OVOL2: variants seen among roughly 807,000 people sequenced by gnomAD.
OVOL2 encodes the protein transcription factor Ovo-like 2.
In OVOL2, 13 loss-of-function variants were observed where a neutral mutation model predicts 18.1. The observed-to-expected ratio is 0.72, with a 90% confidence interval of 0.47 to 1.14. OVOL2 has a LOEUF of 1.14. Among genes scored for constraint, OVOL2 ranks in the 50% most tolerant of loss-of-function variants. The probability of loss-of-function intolerance (pLI) is 0.00; values close to 1 mark genes in which losing one functional copy is unlikely to be tolerated. For synonymous variants in OVOL2, 166 were observed against 162.7 expected, an observed-to-expected ratio of 1.02 and a Z score of -0.16; for missense variants, 335 against 383.0, an observed-to-expected ratio of 0.87 and a Z score of 1.05.
intron 3 of OVOL2, among the ~76,000 whole-genome samples, chr20:18,026,381 CAT>C (rs1491519403): frequency 8.8e-4 from 96 of 109,562 alleles, no homozygotes; most frequent in South Asian, 3.7e-4. Context: ...ATCAGGAATC[CAT>C]TTTTTTTTTT....
rs1419305548 is a variant in OVOL2, at chr20:18,041,702, C to G, written c.343G>C (p.Asp115His). 6.2e-7 allele frequency: 1 copy of G among 1,613,214 alleles called. No individual in the cohort carries two copies. Among genetic ancestry groups the G allele is most frequent in the East Asian group, 2.2e-5 (1 of 44,842 alleles). ...KIKFTTGTCS[D>H]SVVHSCDLCG... is the part of the protein sequence containing the mutation. ...AGGTCACAGCTGTGAACCACCGAGTCGCTGCACGTGCCTGTGGTGAACTGG... is the reference window on the plus strand; with the variant it reads ...AGGTCACAGCTGTGAACCACCGAGTGGCTGCACGTGCCTGTGGTGAACTGG... The change falls in exon 3 of 4, where the codon GAC (aspartate) becomes CAC (histidine). Residue 115 changes from aspartate (D) to histidine (H), a missense_variant. By Grantham distance (81) the Asp-to-His change is moderately conservative (BLOSUM62 -1). Transcript: ENST00000278780.
rs200882020 is a variant in OVOL2 at position 18,054,787 on chromosome 20, G to A, written c.321+1870C>T. 1.2e-3 allele frequency among the ~76,000 whole-genome samples: 145 copies of A among 125,266 alleles called. 1 individual carries two copies. The highest frequency in any genetic ancestry group is 7.5e-3 in the Middle Eastern group (2 of 268). The allele number at this position is 125,266 out of a possible 152,430, so 82.2% of individuals were successfully genotyped here. A position where few individuals can be genotyped will look rare whatever the true frequency, so the allele number is the denominator to read the frequency against. ...ATCTCAAAAAAAAAAAAAAAAGAAA[G>A]AAAAGAAAAGAAAAGAAAAGAAACT... On this transcript the variant is annotated intron_variant, in intron 2 of 3. Transcript: ENST00000278780.
At position 18,047,626 on chromosome 20, in the gene OVOL2, G is replaced by A. The variant is rs540689404; in HGVS notation, c.322-5903C>T. 6.7e-5 allele frequency among the ~76,000 whole-genome samples: 10 copies of A among 149,134 alleles called. 1 individual carries two copies. In the South Asian group the frequency reaches 1.3e-3, roughly 19 times the overall value. ...CCTAGTACTTTGGGAGGCCAAGGCC[G>A]GTGGATCATCTGAGGTCAGGAGTTC... On this transcript the variant is annotated intron_variant, in intron 2 of 3. Transcript: ENST00000278780.
chr20:18,045,094 C>T (rs1199491786), intron 2 of OVOL2, among the ~76,000 whole-genome samples: 1 of 152,178 alleles, frequency 6.6e-6, no homozygotes, highest in African/African-American at 2.4e-5. Flanking sequence ...CTACCTCACT[C>T]CCCAGAACTG....
Position 18,056,423 on chromosome 20 carries a change from G to C in OVOL2, c.321+234C>G, listed in dbSNP as rs1318319860. 6.6e-6 allele frequency among the ~76,000 whole-genome samples: 1 copy of C among 152,122 alleles called. No individual in the cohort carries two copies. The highest frequency in any genetic ancestry group is 1.5e-5 in the Non-Finnish European group (1 of 67,990). On this transcript the variant is annotated intron_variant, in intron 2 of 3. Transcript: ENST00000278780. This position sits in a 1 kb window ranked among gnomAD's most constrained non-coding sequence, Gnocchi z 4.2. ...CATCAGGCGGGGCCACCGGGAGGACGGAGCCCACTCCGGGAACCGGCCGCC... is the reference window on the plus strand; with the variant it reads ...CATCAGGCGGGGCCACCGGGAGGACCGAGCCCACTCCGGGAACCGGCCGCC...
chr20:18,050,199 T>C (rs915047404), intron 2 of OVOL2, among the ~76,000 whole-genome samples: 2 of 152,240 alleles, frequency 1.3e-5, no homozygotes, highest in Admixed American at 1.3e-4. Context: ...TACGCTTCCC[T>C]GACTCCCTTG....
chr20:18,040,181 CCTT>C (rs1600443124), intron 3 of OVOL2, among the ~76,000 whole-genome samples: 1 of 152,174 alleles, frequency 6.6e-6, no homozygotes, highest in East Asian at 1.9e-4. Flanking sequence ...ACCTTGGCCT[CCTT>C]AAGTGCAAGG....
At chr20:18,037,969 G>A (rs1056048956) in intron 3 of OVOL2, among the ~76,000 whole-genome samples, 2 of 152,212 alleles carry the variant, frequency 1.3e-5, no homozygotes, top group African/African-American at 4.8e-5. Context: ...CATTAGCAAC[G>A]CTCTTCCTCC....
chr20:18,028,728 G>A (rs2036541749), intron 3 of OVOL2, among the ~76,000 whole-genome samples: 1 of 152,022 alleles, frequency 6.6e-6, no homozygotes. Flanking sequence ...AGCAGGCAGA[G>A]GTTGCAGTGA....
In OVOL2 at chr20:18,057,871, G is replaced by C; in HGVS notation, c.-237C>G. On this transcript the variant is annotated 5_prime_UTR_variant, in exon 1 of 4. Coordinates refer to ENST00000278780, the MANE Select transcript of OVOL2 (RefSeq NM_021220.4). This position sits in a 1 kb window ranked among gnomAD's most constrained non-coding sequence, Gnocchi z 6.3. The stretch of plus-strand genomic sequence containing the variant: ...TTAAATCGCGAGTGAGACCACGCCG[G>C]GGAAAAAGTTTCATAAGGTGGAATA... 1 of 1,337,226 alleles carries C rather than the reference G, an allele frequency of 7.5e-7. No individual in the cohort carries two copies. The highest frequency in any genetic ancestry group is 9.5e-7 in the Non-Finnish European group (1 of 1,050,582). The allele number at this position is 1,337,226 out of a possible 1,614,324, so 82.8% of individuals were successfully genotyped here.
chr20:18,039,387 CA>C (rs1444278811), intron 3 of OVOL2, among the ~76,000 whole-genome samples: 1 of 151,880 alleles, frequency 6.6e-6, no homozygotes, highest in Admixed American at 6.6e-5. Context: ...TTTGGGAGGC[CA>C]AGGCGGGTGG....
chr20:18,032,442 A>G (rs1255881577), intron 3 of OVOL2, among the ~76,000 whole-genome samples: 1 of 152,092 alleles, frequency 6.6e-6, no homozygotes, highest in African/African-American at 2.4e-5. Flanking sequence ...AAATGTCATC[A>G]ATTGAGGAAT....
chr20:18,039,759 A>G (rs1220331718), intron 3 of OVOL2, among the ~76,000 whole-genome samples: 1 of 152,122 alleles, frequency 6.6e-6, no homozygotes, highest in Non-Finnish European at 1.5e-5. Context: ...GTCCTCTAAG[A>G]GCAAACACGC....
chr20:18,052,422 A>C (rs775704273), intron 2 of OVOL2, among the ~76,000 whole-genome samples: 4 of 152,282 alleles, frequency 2.6e-5, no homozygotes, highest in Non-Finnish European at 5.9e-5. Flanking sequence ...TATCCACTAA[A>C]CGCACATTCT....
chr20:18,041,829 C>T (rs2036673083), intron 2 of OVOL2, 106 bp from the exon 3 acceptor site: 5 of 993,234 alleles, frequency 5.0e-6, no homozygotes, highest in Non-Finnish European at 7.0e-6. Context: ...CTGTCTGCGG[C>T]TTCTGCCCCT....
intron 3 of OVOL2, among the ~76,000 whole-genome samples, chr20:18,039,438 A>G (rs896554277): frequency 1.3e-5 from 2 of 152,010 alleles, no homozygotes; most frequent in African/African-American, 4.8e-5. Flanking sequence ...CCTGGGCAAC[A>G]TGACGAAATC....
chr20:18,046,352 C>T (rs2036723975), intron 2 of OVOL2, among the ~76,000 whole-genome samples: 1 of 152,142 alleles, frequency 6.6e-6, no homozygotes, highest in Non-Finnish European at 1.5e-5. Context: ...AATTAATGCA[C>T]TGGACAAAGG....
chr20:18,055,261 A>G (rs1293462066), intron 2 of OVOL2, among the ~76,000 whole-genome samples: 1 of 152,206 alleles, frequency 6.6e-6, no homozygotes, highest in East Asian at 1.9e-4. Flanking sequence ...AATCTGGGCA[A>G]TTGGGGGACA....
intron 2 of OVOL2, among the ~76,000 whole-genome samples, chr20:18,044,261 G>T (rs891968018): frequency 1.1e-4 from 16 of 152,294 alleles, no homozygotes; most frequent in African/African-American, 3.4e-4. Flanking sequence ...CACTAGCCCT[G>T]AGAAGTCATG....
Sources: allele counts gnomAD v4.1 joint callset (sites outside exome capture counted in the v4.1 genomes callset), GRCh38; gene constraint gnomAD v4.1.1; non-coding constraint Gnocchi (gnomAD v3.1); transcripts MANE v1.5; gene names NCBI Gene and HGNC (gene_info 2026-07-23, HGNC 2026-07-21).